Variants in ZNF804B observed in about 807,000 individuals in gnomAD.
The protein encoded by ZNF804B is zinc finger protein 804B.
In ZNF804B, 80 loss-of-function variants were observed where a neutral mutation model predicts 101.4. The observed-to-expected ratio is 0.79, with a 90% CI of 0.66 to 0.95. ZNF804B has a LOEUF of 0.95. ZNF804B is among the 40% of genes least tolerant of loss of function. ZNF804B has a pLI of 0.00. For missense variants in ZNF804B, 1,673 were observed against 1,561.9 expected (o/e 1.07, Z -1.20); for synonymous variants, 622 against 558.8 (o/e 1.11, Z -1.59).
chr7:88,782,098 AGT>A lies in ZNF804B; in HGVS notation c.108+22016_108+22017del, dbSNP rs879516206. Among the ~76,000 whole-genome samples, 4 of 132,104 alleles carry A rather than the reference AGT, an allele frequency of 3.0e-5. No homozygotes were observed. In the East Asian group the frequency reaches 9.8e-4, roughly 32 times the overall value. The allele number at this position is 132,104 out of a possible 152,430, so 86.7% of individuals were successfully genotyped here. ...TAGTGACTATCCCAGCTTTTGTGTG[AGT>A]GCGTGTGTGTGTGTGTGTGTGTGTG... On this transcript the variant is annotated intron_variant, in intron 1 of 3. Coordinates refer to ENST00000333190, the MANE Select transcript of ZNF804B (RefSeq NM_181646.5).
intron 1 of ZNF804B, among the ~76,000 whole-genome samples, chr7:89,085,153 C>G (rs1233651548): frequency 6.6e-6 from 1 of 151,708 alleles, no homozygotes; most frequent in Non-Finnish European, 1.5e-5. Flanking sequence ...CAAATCAAAG[C>G]TCTTTTGAAA....
intron 1 of ZNF804B, among the ~76,000 whole-genome samples, chr7:89,014,406 T>C (rs1433376382): frequency 1.3e-5 from 2 of 152,086 alleles, no homozygotes; most frequent in East Asian, 3.9e-4. Context: ...AAGCTCCGCC[T>C]CCTGGGTTCA....
At chr7:89,063,573 G>A (rs1789408647) in intron 1 of ZNF804B, among the ~76,000 whole-genome samples, 1 of 152,102 alleles carries the variant, frequency 6.6e-6, no homozygotes, top group Admixed American at 6.6e-5. Flanking sequence ...GGGAAACTGG[G>A]GGAAGCAAAT....
intron 1 of ZNF804B, among the ~76,000 whole-genome samples, chr7:88,807,689 A>G (rs1235934977): frequency 1.3e-5 from 2 of 152,162 alleles, no homozygotes; most frequent in African/African-American, 4.8e-5. Flanking sequence ...TGAGAGCTAT[A>G]CAATACAAAA....
At chr7:88,861,759 A>T (rs1791650058) in intron 1 of ZNF804B, among the ~76,000 whole-genome samples, 1 of 152,216 alleles carries the variant, frequency 6.6e-6, no homozygotes, top group African/African-American at 2.4e-5. Flanking sequence ...AGAATAAGAT[A>T]TCTTATTCTT....
At position 89,193,225 on chromosome 7, in the gene ZNF804B, A is replaced by T. The variant is rs1788488123; in HGVS notation, c.109-24930A>T. On this transcript the variant is annotated intron_variant, in intron 1 of 3. Coordinates refer to ENST00000333190, the MANE Select transcript of ZNF804B (RefSeq NM_181646.5). The stretch of plus-strand genomic sequence containing the variant: ...GTCAAACCATCTTTGTTTGCAAATA[A>T]CATGATCCTATATCTAGAAAACCCT... Among the ~76,000 whole-genome samples, 10 of 151,964 alleles carry T rather than the reference A, an allele frequency of 6.6e-5. 1 individual carries two copies. In the South Asian group the frequency reaches 2.1e-3, roughly 31 times the overall value.
chr7:89,010,040 T>C (rs569714657), intron 1 of ZNF804B, among the ~76,000 whole-genome samples: 1 of 152,292 alleles, frequency 6.6e-6, no homozygotes, highest in South Asian at 2.1e-4. Flanking sequence ...TTTTTATATC[T>C]ATTATTGTAT....
At chr7:88,995,098 C>T (rs145613443) in intron 1 of ZNF804B, among the ~76,000 whole-genome samples, 61 of 152,122 alleles carry the variant, frequency 4.0e-4, no homozygotes, top group Non-Finnish European at 7.9e-4. Flanking sequence ...CCTTGCATAT[C>T]GCCTGCCTAT....
At chr7:89,179,095 A>G (rs1260758420) in intron 1 of ZNF804B, among the ~76,000 whole-genome samples, 1 of 152,068 alleles carries the variant, frequency 6.6e-6, no homozygotes. Context: ...TTCTTTCTTT[A>G]TCCTTGGCCT....
intron 1 of ZNF804B, among the ~76,000 whole-genome samples, chr7:88,921,894 T>A (rs1792725457): frequency 6.6e-6 from 1 of 152,094 alleles, no homozygotes; most frequent in African/African-American, 2.4e-5. Context: ...GGTTAATTTC[T>A]ACTGATATAT....
chr7:89,193,345 G>T (rs941494864), intron 1 of ZNF804B, among the ~76,000 whole-genome samples: 1 of 150,512 alleles, frequency 6.6e-6, no homozygotes, highest in Admixed American at 6.6e-5. Flanking sequence ...AAGTTTTAGG[G>T]TACGTGTGCA....
chr7:88,879,637 C>G (rs979350668), intron 1 of ZNF804B, among the ~76,000 whole-genome samples: 1 of 152,128 alleles, frequency 6.6e-6, no homozygotes, highest in African/African-American at 2.4e-5. Context: ...TAAATTCCAA[C>G]TCACATTAAG....
At chr7:89,317,701 G>A (rs1278418014) in intron 2 of ZNF804B, among the ~76,000 whole-genome samples, 3 of 152,180 alleles carry the variant, frequency 2.0e-5, no homozygotes, top group African/African-American at 7.2e-5. Flanking sequence ...AGAGGTGGCA[G>A]GAAAGTTCAA....
chr7:88,884,745 C>T (rs956866733), intron 1 of ZNF804B, among the ~76,000 whole-genome samples: 2 of 151,570 alleles, frequency 1.3e-5, no homozygotes, highest in Non-Finnish European at 1.5e-5. Context: ...TGTTTTCATG[C>T]TCTTTTGTCT....
intron 1 of ZNF804B, among the ~76,000 whole-genome samples, chr7:89,211,893 A>T (rs1788810578): frequency 6.6e-6 from 1 of 152,184 alleles, no homozygotes; most frequent in African/African-American, 2.4e-5. Flanking sequence ...TGTCCATGGT[A>T]GTTTAATGGG....
At chr7:89,168,660 TC>T in intron 1 of ZNF804B, among the ~76,000 whole-genome samples, 1 of 147,694 alleles carries the variant, frequency 6.8e-6, no homozygotes, top group African/African-American at 2.5e-5. Flanking sequence ...TATCCCTGAA[TC>T]CCTTGTAGTA....
At chr7:89,094,045 G>T (rs1393371466) in intron 1 of ZNF804B, among the ~76,000 whole-genome samples, 1 of 152,154 alleles carries the variant, frequency 6.6e-6, no homozygotes, top group Non-Finnish European at 1.5e-5. Context: ...TATACAAATA[G>T]AAAGATTTTA....
intron 2 of ZNF804B, among the ~76,000 whole-genome samples, chr7:89,244,887 T>G (rs1357565920): frequency 6.6e-6 from 1 of 152,188 alleles, no homozygotes; most frequent in African/African-American, 2.4e-5. Context: ...TAATTCACAA[T>G]CTTTATGATG....
At chr7:89,229,461 A>G (rs1034142052) in intron 2 of ZNF804B, among the ~76,000 whole-genome samples, 1 of 152,240 alleles carries the variant, frequency 6.6e-6, no homozygotes, top group African/African-American at 2.4e-5. Flanking sequence ...ATTTTCAGAG[A>G]TAAAGAGGAA....
Sources: gnomAD v4.1 joint callset for allele counts (sites outside exome capture counted in the v4.1 genomes callset) on GRCh38, gnomAD v4.1.1 for gene constraint, MANE v1.5 for transcripts, NCBI Gene and HGNC (gene_info 2026-07-23, HGNC 2026-07-21) for gene names.